Variants in CNTNAP2 observed in about 807,000 individuals in gnomAD.
CNTNAP2 encodes contactin associated protein 2, also known as contactin-associated protein-like 2.
CNTNAP2 carries 98 observed loss-of-function variants against 155.2 expected under a neutral mutation model. The ratio of observed to expected loss-of-function variants is 0.63; its 90% confidence interval spans 0.54 to 0.75. The LOEUF is 0.75. Among genes scored for constraint, CNTNAP2 ranks in the 30% least tolerant of loss-of-function variants. The pLI, the probability that CNTNAP2 is intolerant of heterozygous loss-of-function variation, is 0.00. For synonymous variants in CNTNAP2, 651 were observed against 631.2 expected (o/e 1.03, Z -0.47); for missense variants, 1,727 against 1,688.1 (o/e 1.02, Z -0.40).
At chr7:147,477,859 T>A (rs1225897866) in intron 10 of CNTNAP2, among the ~76,000 whole-genome samples, 1 of 152,168 alleles carries the variant, frequency 6.6e-6, no homozygotes, top group Admixed American at 6.5e-5. Flanking sequence ...AGGTACTCAA[T>A]AAATATAAGT....
intron 1 of CNTNAP2, among the ~76,000 whole-genome samples, chr7:146,687,407 C>T (rs979053129): frequency 6.6e-6 from 1 of 151,766 alleles, no homozygotes; most frequent in Non-Finnish European, 1.5e-5. Flanking sequence ...AGTACATGGA[C>T]AAAAATGTCT....
intron 13 of CNTNAP2, among the ~76,000 whole-genome samples, chr7:147,772,983 A>G (rs1797498540): frequency 6.6e-6 from 1 of 152,236 alleles, no homozygotes. Flanking sequence ...TGACTTAATT[A>G]CAAACCATAT....
intron 3 of CNTNAP2, among the ~76,000 whole-genome samples, chr7:147,010,364 A>G (rs910528901): frequency 3.9e-5 from 6 of 152,024 alleles, no homozygotes. Flanking sequence ...CTTCTTGAAA[A>G]AAATGATGAA....
At chr7:147,173,699 C>T (rs142607460) in intron 8 of CNTNAP2, among the ~76,000 whole-genome samples, 70 of 152,298 alleles carry the variant, frequency 4.6e-4, no homozygotes, top group Non-Finnish European at 8.7e-4. Context: ...AGAGTGATTT[C>T]TCCACCCTAA....
At chr7:147,541,359 C>T (rs1052224407) in intron 11 of CNTNAP2, among the ~76,000 whole-genome samples, 9 of 152,184 alleles carry the variant, frequency 5.9e-5, no homozygotes, top group African/African-American at 1.9e-4. Context: ...AAGAATAATA[C>T]CTTCCTCATA....
intron 1 of CNTNAP2, among the ~76,000 whole-genome samples, chr7:146,552,387 T>A (rs1798135346): frequency 6.6e-6 from 1 of 152,138 alleles, no homozygotes; most frequent in Non-Finnish European, 1.5e-5. Context: ...TCTTCTCAGT[T>A]TCTCTCTTAG....
intron 1 of CNTNAP2, among the ~76,000 whole-genome samples, chr7:146,750,948 C>T (rs1275632214): frequency 6.6e-6 from 1 of 152,112 alleles, no homozygotes; most frequent in Non-Finnish European, 1.5e-5. Context: ...ATATGATTCA[C>T]TACTTTTACT....
intron 18 of CNTNAP2, among the ~76,000 whole-genome samples, chr7:148,203,019 T>C (rs1795391703): frequency 1.3e-5 from 2 of 152,238 alleles, no homozygotes; most frequent in South Asian, 4.1e-4. Context: ...AATCCTTCAG[T>C]TGTATTTTCC....
At chr7:146,693,604 C>T (rs1314770519) in intron 1 of CNTNAP2, among the ~76,000 whole-genome samples, 1 of 151,962 alleles carries the variant, frequency 6.6e-6, no homozygotes, top group Admixed American at 6.6e-5. Flanking sequence ...AAGTAATCTC[C>T]CCTCCCTGGG....
intron 11 of CNTNAP2, among the ~76,000 whole-genome samples, chr7:147,547,815 G>A (rs1336297603): frequency 6.6e-6 from 1 of 152,058 alleles, no homozygotes; most frequent in Non-Finnish European, 1.5e-5. Context: ...GTGTCCATGT[G>A]TTCTCAATAT....
intron 17 of CNTNAP2, among the ~76,000 whole-genome samples, chr7:148,169,011 G>A (rs1305428311): frequency 2.6e-5 from 4 of 152,094 alleles, no homozygotes; most frequent in African/African-American, 9.7e-5. Context: ...AACTTTCATC[G>A]GGAAAAAGAA....
chr7:146,919,851 C>G (rs1465067563), intron 3 of CNTNAP2, among the ~76,000 whole-genome samples: 1 of 152,038 alleles, frequency 6.6e-6, no homozygotes, highest in African/African-American at 2.4e-5. Context: ...TTTTGGCTTT[C>G]CTGGTATGTT....
At chr7:146,441,935 A>C (rs2129119731) in intron 1 of CNTNAP2, among the ~76,000 whole-genome samples, 1 of 151,816 alleles carries the variant, frequency 6.6e-6, no homozygotes, top group Non-Finnish European at 1.5e-5. Context: ...TCTTCCTTGT[A>C]AGCTTGACAT....
At chr7:147,441,236 T>A (rs1370788445) in intron 10 of CNTNAP2, among the ~76,000 whole-genome samples, 2 of 152,018 alleles carry the variant, frequency 1.3e-5, no homozygotes, top group Non-Finnish European at 2.9e-5. Context: ...AATTCAGCTA[T>A]TAAAGGACTC....
At chr7:146,356,052 TACACACACACACACACACAC>T (rs68125550) in intron 1 of CNTNAP2, among the ~76,000 whole-genome samples, 4,881 of 144,190 alleles carry the variant, frequency 0.034, 285 homozygotes, top group African/African-American at 0.11. Flanking sequence ...TACATACGAA[TACACACACACACACACACAC>T]ACACACACAC....
At chr7:146,351,239 GAAAAT>G (rs141246807) in intron 1 of CNTNAP2, among the ~76,000 whole-genome samples, 3,940 of 151,568 alleles carry the variant, frequency 0.026, 151 homozygotes, top group African/African-American at 0.09. Flanking sequence ...AAAGAATTGA[GAAAAT>G]AAAATAAGTT....
chr7:147,171,592 TAC>T (rs1239923299), intron 8 of CNTNAP2, among the ~76,000 whole-genome samples: 1 of 152,194 alleles, frequency 6.6e-6, no homozygotes, highest in African/African-American at 2.4e-5. Flanking sequence ...AGTTTATAGG[TAC>T]AGTGTTTCAG....
chr7:146,273,971 G>A (rs1345998256), intron 1 of CNTNAP2, among the ~76,000 whole-genome samples: 1 of 152,082 alleles, frequency 6.6e-6, no homozygotes, highest in African/African-American at 2.4e-5. Flanking sequence ...ATCTCCTTAT[G>A]TGTAAGACCT....
intron 15 of CNTNAP2, among the ~76,000 whole-genome samples, chr7:148,015,595 G>T (rs1424322280): frequency 6.6e-6 from 1 of 152,158 alleles, no homozygotes; most frequent in Non-Finnish European, 1.5e-5. Context: ...CCCTTAATTT[G>T]TATCCAGTGT....
Sources: allele counts gnomAD v4.1 joint callset (sites outside exome capture counted in the v4.1 genomes callset), GRCh38; gene constraint gnomAD v4.1.1; transcripts MANE v1.5; gene names NCBI Gene and HGNC (gene_info 2026-07-23, HGNC 2026-07-21).